FLT1: variants seen among roughly 807,000 people sequenced by gnomAD.
FLT1 encodes the protein vascular endothelial growth factor receptor 1.
Under a neutral mutation model 156.3 loss-of-function variants are expected in FLT1, and 49 were observed. That is an observed-to-expected ratio of 0.31 (90% CI 0.25 to 0.40). The LOEUF (loss-of-function observed/expected upper bound fraction) is 0.40, where lower values mean the gene tolerates loss of function less well. Among genes scored for constraint, FLT1 ranks in the 10% least tolerant of loss-of-function variants. The pLI, the probability that FLT1 is intolerant of heterozygous loss-of-function variation, is 1.00. For synonymous variants in FLT1, 594 were observed against 583.8 expected (o/e 1.02, Z -0.25); for missense variants, 1,322 against 1,637.2 (o/e 0.81, Z 3.32).
chr13:28,349,657 G>A (rs911225573), intron 15 of FLT1, among the ~76,000 whole-genome samples: 3 of 152,164 alleles, frequency 2.0e-5, no homozygotes, highest in Admixed American at 6.5e-5. Flanking sequence ...CACTAAGAGA[G>A]GCCCCCTTGA....
intron 10 of FLT1, among the ~76,000 whole-genome samples, chr13:28,417,219 C>A (rs1876704488): frequency 1.3e-5 from 2 of 152,208 alleles, no homozygotes; most frequent in Admixed American, 1.3e-4. Context: ...ATTACCTTTC[C>A]AATTTTGGTT....
intron 10 of FLT1, among the ~76,000 whole-genome samples, chr13:28,415,994 G>A (rs1876623923): frequency 6.6e-6 from 1 of 152,212 alleles, no homozygotes; most frequent in Non-Finnish European, 1.5e-5. Flanking sequence ...GCTTTGCAGT[G>A]GGCAGCCCCA....
intron 3 of FLT1, among the ~76,000 whole-genome samples, chr13:28,445,256 T>C (rs1421015368): frequency 6.6e-6 from 1 of 151,912 alleles, no homozygotes; most frequent in African/African-American, 2.4e-5. Context: ...ACGGGTGGAT[T>C]ATCTGAGGCA....
At chr13:28,479,975 A>G (rs1880748379) in intron 1 of FLT1, among the ~76,000 whole-genome samples, 1 of 152,252 alleles carries the variant, frequency 6.6e-6, no homozygotes, top group East Asian at 1.9e-4. Context: ...TAGAAGTTAC[A>G]TAAAACCAAA....
intron 27 of FLT1, among the ~76,000 whole-genome samples, chr13:28,310,190 G>A (rs1008499494): frequency 2.0e-5 from 3 of 151,962 alleles, no homozygotes; most frequent in Non-Finnish European, 4.4e-5. Context: ...GTGCCCGGCC[G>A]CAAGCAGTAT....
At chr13:28,470,638 G>A (rs1045506836) in intron 1 of FLT1, among the ~76,000 whole-genome samples, 3 of 152,044 alleles carry the variant, frequency 2.0e-5, no homozygotes, top group South Asian at 2.1e-4. Flanking sequence ...AGAGGAAACC[G>A]CTAACTTCAA....
chr13:28,352,440 A>G (rs2038735), intron 15 of FLT1, among the ~76,000 whole-genome samples: 141,986 of 152,248 alleles, frequency 0.93, 66,850 homozygotes, highest in East Asian at 1. Flanking sequence ...TATGATACCC[A>G]ATGCAGTTTT....
intron 12 of FLT1, among the ~76,000 whole-genome samples, chr13:28,392,227 C>G (rs569408815): frequency 1.3e-5 from 2 of 152,258 alleles, no homozygotes; most frequent in South Asian, 4.1e-4. Flanking sequence ...CCGTCAGTGG[C>G]TGAGGAGAGA....
rs1169072431 is a variant in FLT1 at position 28,372,048 on chromosome 13, GTATATA to G, written c.2116+12831_2116+12836del. 1.5e-3 allele frequency among the ~76,000 whole-genome samples: 110 copies of G among 75,542 alleles called. 1 individual carries two copies. Among genetic ancestry groups the G allele is most frequent in the Admixed American group, 7.9e-3 (50 of 6,320 alleles). 49.6% of individuals were successfully genotyped at this position (75,542 alleles called of 152,430 possible). On this transcript the variant is annotated intron_variant, in intron 14 of 29. Coordinates refer to ENST00000282397, the MANE Select transcript of FLT1 (RefSeq NM_002019.4). ...TGTGTGTGTGTGTGTGTGTGTGTGTGTATATATATATATATATATATATATATATTT... is the reference window on the plus strand; with the variant it reads ...TGTGTGTGTGTGTGTGTGTGTGTGTGTATATATATATATATATATATATTT...
chr13:28,403,022 C>T (rs993080468), intron 11 of FLT1, among the ~76,000 whole-genome samples: 30 of 152,084 alleles, frequency 2.0e-4, no homozygotes, highest in Non-Finnish European at 2.5e-4. Flanking sequence ...TCAGGTGATC[C>T]GCCCGCCACT....
intron 2 of FLT1, 48 bp from the exon 3 acceptor site, chr13:28,467,177 G>T: frequency 7.2e-7 from 1 of 1,383,318 alleles, no homozygotes; most frequent in Non-Finnish European, 1.0e-6. Flanking sequence ...CTGGGCCCTA[G>T]GCTCAGCACC....
At chr13:28,395,936 C>T (rs1875017941) in intron 12 of FLT1, among the ~76,000 whole-genome samples, 1 of 152,116 alleles carries the variant, frequency 6.6e-6, no homozygotes, top group Non-Finnish European at 1.5e-5. Context: ...CATACTACGA[C>T]TATGGGTTGA....
At chr13:28,384,856 A>G (rs1301519454) in intron 14 of FLT1, 29 bp downstream of exon 14, 2 of 1,608,612 alleles carry the variant, frequency 1.2e-6, no homozygotes, top group Non-Finnish European at 1.7e-6. Context: ...GATGAGAAAT[A>G]ATAAATGGAA....
chr13:28,491,406 G>C (rs906267352), intron 1 of FLT1, among the ~76,000 whole-genome samples: 18 of 152,052 alleles, frequency 1.2e-4, no homozygotes, highest in African/African-American at 4.3e-4. Context: ...GAAATAAATA[G>C]GGGTTTAAAA....
intron 3 of FLT1, among the ~76,000 whole-genome samples, chr13:28,457,367 C>A (rs1038971620): frequency 1.3e-5 from 2 of 152,048 alleles, no homozygotes; most frequent in Admixed American, 6.6e-5. Flanking sequence ...AAGTCAAAGA[C>A]CTAGTGAGTA....
intron 3 of FLT1, among the ~76,000 whole-genome samples, chr13:28,465,092 C>G (rs1879777335): frequency 6.6e-6 from 1 of 152,192 alleles, no homozygotes; most frequent in Non-Finnish European, 1.5e-5. Flanking sequence ...TTTTCCACCA[C>G]TATCAAGCGT....
At chr13:28,335,248 G>A (rs927437535) in intron 17 of FLT1, among the ~76,000 whole-genome samples, 1 of 152,116 alleles carries the variant, frequency 6.6e-6, no homozygotes, top group African/African-American at 2.4e-5. Flanking sequence ...CTTGGGGGAA[G>A]GGGAAATGAC....
intron 25 of FLT1, 95 bp from the exon 26 acceptor site, chr13:28,312,193 A>T: frequency 1.2e-6 from 1 of 819,480 alleles, no homozygotes; most frequent in Non-Finnish European, 2.1e-6. Flanking sequence ...CATCATCCGC[A>T]TAAAGCCCAA....
chr13:28,313,891 A>T (rs1343988807), intron 25 of FLT1, among the ~76,000 whole-genome samples: 113 of 48,768 alleles, frequency 2.3e-3, no homozygotes, highest in African/African-American at 6.5e-3. Flanking sequence ...AGGGAGGTAA[A>T]AAAAAAAAAA....
Sources: gnomAD v4.1 joint callset for allele counts (sites outside exome capture counted in the v4.1 genomes callset) on GRCh38, gnomAD v4.1.1 for gene constraint, MANE v1.5 for transcripts, NCBI Gene and HGNC (gene_info 2026-07-23, HGNC 2026-07-21) for gene names.